The following GRK3 variants were observed in gnomAD, a reference collection of about 807,000 sequenced individuals.
GRK3 encodes the protein G protein-coupled receptor kinase 3, also known as adrenergic, beta, receptor kinase 2.
Under a neutral mutation model 95.7 loss-of-function variants are expected in GRK3, and 54 were observed. That is an observed-to-expected ratio of 0.56 (90% CI 0.45 to 0.71). GRK3 has a LOEUF of 0.71. GRK3 is among the 30% of genes least tolerant of loss of function. GRK3 has a pLI of 0.00. For missense variants in GRK3, 649 were observed against 851.2 expected, an observed-to-expected ratio of 0.76 and a Z score of 2.96; for synonymous variants, 281 against 290.8, an observed-to-expected ratio of 0.97 and a Z score of 0.34.
At chr22:25,657,124 A>G (rs147805297) in intron 3 of GRK3, among the ~76,000 whole-genome samples, 298 of 152,298 alleles carry the variant, frequency 2.0e-3, no homozygotes, top group African/African-American at 6.7e-3. Context: ...GGGCCAGAGT[A>G]ACACATTTAC....
At chr22:25,610,416 G>C (rs561060669) in intron 2 of GRK3, among the ~76,000 whole-genome samples, 2 of 152,280 alleles carry the variant, frequency 1.3e-5, no homozygotes, top group East Asian at 3.9e-4. Context: ...TTAGTGAGTC[G>C]TGATCGCATC....
intron 3 of GRK3, among the ~76,000 whole-genome samples, chr22:25,660,356 A>G (rs1754376941): frequency 6.6e-6 from 1 of 152,160 alleles, no homozygotes; most frequent in African/African-American, 2.4e-5. Context: ...CCTGTTGGAT[A>G]GAGTATCAGC....
rs201168646 is a variant in GRK3, at chr22:25,663,624, T to C, written c.367-6T>C. ...TATTTAAAAATATTATTTTTGACTT[T>C]GATAGCCTTTCTCAAAGCAAGCTGT... On this transcript the variant is annotated splice_polypyrimidine_tract_variant and splice_region_variant and intron_variant, in intron 4 of 20. Coordinates refer to ENST00000324198, the MANE Select transcript of GRK3 (RefSeq NM_005160.4). 51 of 1,593,994 alleles carry C rather than the reference T, an allele frequency of 3.2e-5. No homozygotes were observed. Among genetic ancestry groups the C allele is most frequent in the Admixed American group, 1.7e-5 (1 of 58,388 alleles).
chr22:25,670,868 T>A, intron 6 of GRK3, among the ~76,000 whole-genome samples: 1 of 106,808 alleles, frequency 9.4e-6, no homozygotes, highest in Non-Finnish European at 1.7e-5. Context: ...AAACCCCATC[T>A]CTACTAAAAA....
intron 2 of GRK3, among the ~76,000 whole-genome samples, chr22:25,625,146 G>C (rs2084617745): frequency 1.3e-5 from 2 of 151,996 alleles, no homozygotes; most frequent in South Asian, 4.1e-4. Flanking sequence ...AAGCCACCCA[G>C]GCACCGAGGC....
chr22:25,619,650 GTTTTTTTTTT>G (rs536273282), intron 2 of GRK3, among the ~76,000 whole-genome samples: 5 of 107,926 alleles, frequency 4.6e-5, no homozygotes, highest in African/African-American at 1.5e-4. Context: ...TACCTGGCTA[GTTTTTTTTTT>G]TTTTTTTTTT....
At chr22:25,635,200 AC>A (rs2084691230) in intron 2 of GRK3, among the ~76,000 whole-genome samples, 1 of 151,904 alleles carries the variant, frequency 6.6e-6, no homozygotes, top group Admixed American at 6.6e-5. Context: ...AAGACTAGAC[AC>A]CCCTGCTTTA....
intron 3 of GRK3, among the ~76,000 whole-genome samples, chr22:25,655,552 A>T (rs150567916): frequency 4.1e-4 from 63 of 152,194 alleles, no homozygotes; most frequent in African/African-American, 1.4e-3. Context: ...TCTAATGCTC[A>T]TGTCATGCCT....
chr22:25,703,665 G>A (rs2085275731), intron 14 of GRK3, 89 bp downstream of exon 14: 2 of 982,844 alleles, frequency 2.0e-6, no homozygotes, highest in East Asian at 2.6e-5. Context: ...TACATAAAAT[G>A]TTATAGGAAA....
intron 1 of GRK3, among the ~76,000 whole-genome samples, chr22:25,591,761 G>T (rs1932500643): frequency 6.6e-6 from 1 of 151,822 alleles, no homozygotes; most frequent in Non-Finnish European, 1.5e-5. Context: ...TTTTTGGGGG[G>T]TCTGGCTTCT....
rs1048392607 is a variant in GRK3 at position 25,604,265 on chromosome 22, G to A, written c.114-112G>A. Reference sequence around the variant, plus strand: ...CATTTCACGCAGTTGTGGCAAGAAGGGTCTCTTGTAAAGCTGATATGAAGT... The same window carrying A: ...CATTTCACGCAGTTGTGGCAAGAAGAGTCTCTTGTAAAGCTGATATGAAGT... On this transcript the variant is annotated intron_variant, in intron 1 of 20. Transcript: ENST00000324198. 3.4e-5 allele frequency: 24 copies of A among 707,550 alleles called. No homozygotes were observed. The African/African-American group carries it at 4.0e-4, about 12-fold the overall frequency. The allele number at this position is 707,550 out of a possible 1,614,324, so 43.8% of individuals were successfully genotyped here.
intron 3 of GRK3, among the ~76,000 whole-genome samples, chr22:25,659,584 A>T (rs1447819236): frequency 6.6e-6 from 1 of 152,198 alleles, no homozygotes; most frequent in African/African-American, 2.4e-5. Context: ...TTCCCTGCCC[A>T]GGTTACCTGG....
intron 1 of GRK3, among the ~76,000 whole-genome samples, chr22:25,570,075 G>T (rs866026088): frequency 6.6e-6 from 1 of 152,174 alleles, no homozygotes; most frequent in African/African-American, 2.4e-5. Flanking sequence ...ATGAAACTGC[G>T]ATACTTTTTT....
chr22:25,619,562 C>T (rs1395387419), intron 2 of GRK3, among the ~76,000 whole-genome samples: 3 of 151,772 alleles, frequency 2.0e-5, no homozygotes, highest in Non-Finnish European at 4.4e-5. Context: ...TAGCTCACTG[C>T]TGCCTCGAAC....
chr22:25,664,826 G>C (rs1209925612), intron 5 of GRK3, among the ~76,000 whole-genome samples: 1 of 152,090 alleles, frequency 6.6e-6, no homozygotes, highest in Non-Finnish European at 1.5e-5. Flanking sequence ...GCCAACTTTG[G>C]CATCTTATGA....
intron 5 of GRK3, among the ~76,000 whole-genome samples, 169 bp downstream of exon 5, chr22:25,663,873 A>G (rs201724225): frequency 1.3e-5 from 2 of 152,320 alleles, no homozygotes; most frequent in East Asian, 1.9e-4. Context: ...TTATCTTCCC[A>G]TTGCAAAGTG....
chr22:25,722,529 G>A lies in GRK3; in HGVS notation c.*79G>A. The A allele has an allele frequency of 1.3e-6, 2 of 1,495,626 alleles. No individual in the cohort carries two copies. The highest frequency in any genetic ancestry group is 1.8e-5 in the Admixed American group (1 of 54,822). The allele number at this position is 1,495,626 out of a possible 1,614,324, so 92.6% of individuals were successfully genotyped here. On this transcript the variant is annotated 3_prime_UTR_variant, in exon 21 of 21. Transcript: ENST00000324198. ...TGGGGTGAACGAGGATGAGGCATCT[G>A]ATCTATTCGCTACCGGGACTCCTCC...
At chr22:25,582,679 A>G (rs1301458490) in intron 1 of GRK3, among the ~76,000 whole-genome samples, 1 of 152,250 alleles carries the variant, frequency 6.6e-6, no homozygotes, top group African/African-American at 2.4e-5. Flanking sequence ...GTGTACACAT[A>G]TCAGTTTGGT....
chr22:25,655,556 C>T (rs1176561762), intron 3 of GRK3, among the ~76,000 whole-genome samples: 2 of 152,164 alleles, frequency 1.3e-5, no homozygotes, highest in Non-Finnish European at 2.9e-5. Flanking sequence ...ATGCTCATGT[C>T]ATGCCTACCA....
Sources: allele counts gnomAD v4.1 joint callset (sites outside exome capture counted in the v4.1 genomes callset), GRCh38; gene constraint gnomAD v4.1.1; transcripts MANE v1.5; gene names NCBI Gene and HGNC (gene_info 2026-07-23, HGNC 2026-07-21).